ZCWPW2: variants seen among roughly 807,000 people sequenced by gnomAD.
ZCWPW2 encodes zinc finger CW-type PWWP domain protein 2.
Under a neutral mutation model 46.6 loss-of-function variants are expected in ZCWPW2, and 45 were observed. The ratio of observed to expected loss-of-function variants is 0.96; its 90% CI spans 0.76 to 1.24. The LOEUF (loss-of-function observed/expected upper bound fraction) is 1.24. ZCWPW2 is among the 50% of genes most tolerant of loss of function. The pLI is 0.00. For missense variants in ZCWPW2, 429 were observed against 403.9 expected (o/e 1.06, Z -0.53); for synonymous variants, 152 against 137.1 (o/e 1.11, Z -0.76).
chr3:28,363,456 T>A (rs1385303639), intron 1 of ZCWPW2, among the ~76,000 whole-genome samples: 3 of 152,188 alleles, frequency 2.0e-5, no homozygotes, highest in Non-Finnish European at 4.4e-5. Context: ...AACATATTAA[T>A]GTTAACCATA....
chr3:28,489,660 ACACGCGCG>A (rs1024275508), intron 5 of ZCWPW2, among the ~76,000 whole-genome samples: 2 of 63,326 alleles, frequency 3.2e-5, no homozygotes, highest in African/African-American at 5.5e-5. Context: ...TTTCACACAC[ACACGCGCG>A]CACACACACA....
At chr3:28,458,367 A>G (rs1411118939) in intron 4 of ZCWPW2, among the ~76,000 whole-genome samples, 1 of 152,188 alleles carries the variant, frequency 6.6e-6, no homozygotes, top group Non-Finnish European at 1.5e-5. Context: ...AGAACTTAGT[A>G]AGTTTAAAAT....
At chr3:28,509,625 A>G (rs1700373960) in intron 6 of ZCWPW2, among the ~76,000 whole-genome samples, 1 of 152,140 alleles carries the variant, frequency 6.6e-6, no homozygotes, top group Non-Finnish European at 1.5e-5. Flanking sequence ...CTGTTTATAC[A>G]TCTTCTTTGG....
intron 4 of ZCWPW2, among the ~76,000 whole-genome samples, chr3:28,437,138 A>G (rs1244464846): frequency 1.3e-5 from 2 of 152,234 alleles, no homozygotes; most frequent in Non-Finnish European, 2.9e-5. Context: ...AATACTGTAT[A>G]TTTAGACAAT....
intron 1 of ZCWPW2, among the ~76,000 whole-genome samples, chr3:28,383,931 A>T (rs1695185736): frequency 6.6e-6 from 1 of 152,178 alleles, no homozygotes; most frequent in South Asian, 2.1e-4. Context: ...TTTTATAATT[A>T]TTCATCTAAA....
At chr3:28,425,890 A>G (rs146618806) in intron 3 of ZCWPW2, among the ~76,000 whole-genome samples, 2,342 of 152,174 alleles carry the variant, frequency 0.015, 65 homozygotes, top group African/African-American at 0.054. Context: ...CGGGAGGATC[A>G]CCTGAGGTTG....
In ZCWPW2 at chr3:28,349,220, C is replaced by A; in HGVS notation, c.-134+17C>A. 1 of 984,640 alleles carries A rather than the reference C, an allele frequency of 1.0e-6. No homozygotes were observed. The highest frequency in any genetic ancestry group is 1.2e-6 in the Non-Finnish European group (1 of 829,262). 61.0% of individuals were successfully genotyped at this position (984,640 alleles called of 1,614,324 possible). A position where few individuals can be genotyped will look rare whatever the true frequency, so the allele number is the denominator to read the frequency against. On this transcript the variant is annotated intron_variant, in intron 1 of 9. Coordinates refer to ENST00000383768, the MANE Select transcript of ZCWPW2 (RefSeq NM_001040432.4). ...TGGAGTTAGGTAAGAGCGTTACCAG[C>A]CGTCTTGTCTGTTGGGCCGAGGTCC...
chr3:28,352,073 T>G (rs1704571955), intron 1 of ZCWPW2, among the ~76,000 whole-genome samples: 1 of 149,952 alleles, frequency 6.7e-6, no homozygotes, highest in Non-Finnish European at 1.5e-5. Flanking sequence ...ACTTTCTCCT[T>G]CCCCCGTCTC....
Position 28,448,641 on chromosome 3 carries a change from C to T in ZCWPW2, c.492+13372C>T, listed in dbSNP as rs142626047. 2.5e-3 allele frequency among the ~76,000 whole-genome samples: 386 copies of T among 151,588 alleles called. 1 individual carries two copies. The highest frequency in any genetic ancestry group is 8.4e-3 in the African/African-American group (349 of 41,374). ...CTCTACTAAAAATACAAAAATTAGC[C>T]AGGCATGTTGGCGCATGCCTATAAT... On this transcript the variant is annotated intron_variant, in intron 4 of 9. Transcript: ENST00000383768.
intron 9 of ZCWPW2, among the ~76,000 whole-genome samples, chr3:28,524,032 C>T (rs567383744): frequency 1.3e-5 from 2 of 151,906 alleles, no homozygotes; most frequent in Admixed American, 1.3e-4. Context: ...GGAAGTGAAC[C>T]CTATCTTTAA....
At chr3:28,493,149 TG>T (rs1208294865) in intron 6 of ZCWPW2, among the ~76,000 whole-genome samples, 23 of 44,312 alleles carry the variant, frequency 5.2e-4, no homozygotes, top group African/African-American at 1.3e-3. Flanking sequence ...TTTTTTTTAA[TG>T]TTTTTTTTTT....
chr3:28,513,981 C>T (rs1300969728), intron 6 of ZCWPW2, 83 bp from the exon 7 acceptor site: 6 of 1,103,724 alleles, frequency 5.4e-6, no homozygotes, highest in Non-Finnish European at 7.2e-6. Context: ...GACCAAATTA[C>T]TTGAACTGCA....
intron 1 of ZCWPW2, among the ~76,000 whole-genome samples, chr3:28,360,522 G>GAA (rs745572155): frequency 2.4e-4 from 29 of 122,950 alleles, no homozygotes; most frequent in African/African-American, 8.7e-4. Context: ...GACTTTGTCT[G>GAA]AAAAAAAAAA....
intron 6 of ZCWPW2, among the ~76,000 whole-genome samples, chr3:28,501,614 TC>T (rs1700145586): frequency 6.6e-6 from 1 of 152,190 alleles, no homozygotes; most frequent in South Asian, 2.1e-4. Flanking sequence ...GATAAATTTT[TC>T]TTAAATATAT....
At chr3:28,474,472 G>T (rs1699152617) in intron 4 of ZCWPW2, among the ~76,000 whole-genome samples, 1 of 152,098 alleles carries the variant, frequency 6.6e-6, no homozygotes, top group Non-Finnish European at 1.5e-5. Context: ...GTGTCCATCA[G>T]TTGAGCATTG....
At position 28,521,117 on chromosome 3, in the gene ZCWPW2, G is replaced by A; in HGVS notation, c.909+1G>A. 1.3e-6 allele frequency: 2 copies of A among 1,595,518 alleles called. No homozygotes were observed. The highest frequency in any genetic ancestry group is 2.3e-5 in the East Asian group (1 of 43,864). On this transcript the variant is annotated splice_donor_variant, in intron 9 of 9. Transcript: ENST00000383768. LOFTEE classifies it high-confidence loss of function. ...AGAGGAAATAAATATGGGAGAAAAG[G>A]TAATATTGATAGTTATTTTCAGACC... is the stretch of plus-strand genomic sequence containing the variant.
At chr3:28,379,158 C>T (rs963745532) in intron 1 of ZCWPW2, among the ~76,000 whole-genome samples, 1 of 151,930 alleles carries the variant, frequency 6.6e-6, no homozygotes, top group Non-Finnish European at 1.5e-5. Flanking sequence ...AGTTCTAGAA[C>T]AAAGAAAATA....
chr3:28,405,456 T>C (rs1158260789), intron 2 of ZCWPW2, among the ~76,000 whole-genome samples: 1 of 152,172 alleles, frequency 6.6e-6, no homozygotes, highest in Non-Finnish European at 1.5e-5. Flanking sequence ...CGTACATTGC[T>C]GTAAACAGAG....
chr3:28,395,729 G>C (rs1291501856), intron 2 of ZCWPW2, among the ~76,000 whole-genome samples: 2 of 152,104 alleles, frequency 1.3e-5, no homozygotes, highest in African/African-American at 4.8e-5. Flanking sequence ...AAAGTAGAAG[G>C]GTGGTTACCG....
Sources: allele counts gnomAD v4.1 joint callset (sites outside exome capture counted in the v4.1 genomes callset), GRCh38; gene constraint gnomAD v4.1.1; transcripts MANE v1.5; gene names NCBI Gene and HGNC (gene_info 2026-07-23, HGNC 2026-07-21).